Variants in HCN4 observed in about 807,000 individuals in gnomAD.
The protein encoded by HCN4 is potassium/sodium hyperpolarization-activated cyclic nucleotide-gated channel 4.
HCN4 carries 29 observed loss-of-function variants against 76.9 expected under a neutral mutation model. The observed-to-expected ratio is 0.38, with a 90% confidence interval of 0.28 to 0.51. The LOEUF is 0.51. HCN4 is among the 20% of genes least tolerant of loss of function. The pLI is 0.90. For missense variants in HCN4, 1,416 were observed against 1,715.2 expected, an observed-to-expected ratio of 0.83 and a Z score of 3.08; for synonymous variants, 772 against 762.5, an observed-to-expected ratio of 1.01 and a Z score of -0.21.
chr15:73,335,623 C>A (rs1330549171), intron 2 of HCN4: 2 of 152,472 alleles, frequency 1.3e-5, no homozygotes, highest in South Asian at 4.1e-4. Context: ...CACATCCATG[C>A]CACTCCTGCG....
chr15:73,356,898 G>A (rs1012138559), intron 1 of HCN4, among the ~76,000 whole-genome samples: 2 of 152,160 alleles, frequency 1.3e-5, no homozygotes, highest in African/African-American at 4.8e-5. Context: ...TGCTAAGAAG[G>A]CAGGATTTTA....
At position 73,322,060 on chromosome 15, in the gene HCN4, T is replaced by C; in HGVS notation, c.*421A>G. 3.9e-6 allele frequency: 1 copy of C among 257,064 alleles called. No individual in the cohort carries two copies. The allele number at this position is 257,064 out of a possible 1,614,324, so 15.9% of individuals were successfully genotyped here. On this transcript the variant is annotated 3_prime_UTR_variant, in exon 8 of 8. Coordinates refer to ENST00000261917, the MANE Select transcript of HCN4 (RefSeq NM_005477.3). The stretch of plus-strand genomic sequence containing the variant: ...CCAGGGCACACCCCAGGGCAGCCCC[T>C]TTCTGGGGGCAGAGTGGAGCTCCAA...
At chr15:73,363,174 T>TA (rs2043113480) in intron 1 of HCN4, among the ~76,000 whole-genome samples, 1 of 152,298 alleles carries the variant, frequency 6.6e-6, no homozygotes, top group East Asian at 1.9e-4. Flanking sequence ...CATTCCTGGG[T>TA]AATGGCCCCA....
intron 1 of HCN4, among the ~76,000 whole-genome samples, chr15:73,355,203 C>T (rs74022952): frequency 1.2e-3 from 187 of 152,298 alleles, no homozygotes; most frequent in African/African-American, 4.2e-3. Context: ...CCATGCTATG[C>T]GATGGAAGGT....
chr15:73,341,888 C>G (rs951756710), intron 2 of HCN4, among the ~76,000 whole-genome samples: 1 of 152,346 alleles, frequency 6.6e-6, no homozygotes, highest in Admixed American at 6.5e-5. Flanking sequence ...TGCTGCCAGT[C>G]GAGGCCCAGG....
In HCN4 at chr15:73,368,153, G is replaced by A. The variant is rs1300096638; in HGVS notation, c.118C>T (p.Arg40Cys). 2 of 1,523,398 alleles carry A rather than the reference G, an allele frequency of 1.3e-6. No individual in the cohort carries two copies. Among genetic ancestry groups the A allele is most frequent in the Non-Finnish European group, 1.8e-6 (2 of 1,136,956 alleles). The allele number at this position is 1,523,398 out of a possible 1,614,324, so 94.4% of individuals were successfully genotyped here. ...EDAEEEGAGGRQDPSRRSIRL... is the reference protein window; with the variant it reads ...EDAEEEGAGGCQDPSRRSIRL... ...ATGCTCCTGCGGCTGGGGTCTTGGCGGCCCCCGGCCCCCTCCTCCTCGGCG... is the reference window on the plus strand; with the variant it reads ...ATGCTCCTGCGGCTGGGGTCTTGGCAGCCCCCGGCCCCCTCCTCCTCGGCG... Residue 40 changes from arginine (R) to cysteine (C), a missense_variant, in exon 1 of 8, where the codon CGC (arginine) becomes TGC (cysteine). Coordinates refer to ENST00000261917, the MANE Select transcript of HCN4 (RefSeq NM_005477.3). The surrounding 1 kb of genome is among the most constrained non-coding windows in gnomAD (Gnocchi z 6.9).
At chr15:73,365,035 T>G (rs2043122466) in intron 1 of HCN4, among the ~76,000 whole-genome samples, 1 of 152,154 alleles carries the variant, frequency 6.6e-6, no homozygotes, top group Admixed American at 6.5e-5. Context: ...CAGAAGCTCT[T>G]GCGAAGCCTG....
intron 2 of HCN4, among the ~76,000 whole-genome samples, chr15:73,338,626 T>A (rs993741951): frequency 3.9e-5 from 6 of 152,192 alleles, no homozygotes; most frequent in African/African-American, 1.4e-4. Flanking sequence ...AGAGTTGATT[T>A]CTCAGTCCCA....
Position 73,323,134 on chromosome 15 carries a change from C to T in HCN4, c.2959G>A (p.Ala987Thr). ...TCTGGCGTGCTCAGTGGGCCAGTGG[C>T]CAGACCTAGGGACAACTCCCCGGGA... ...QPPGELSLGLATGPLSTPETP... is the reference protein window; with the variant it reads ...QPPGELSLGLTTGPLSTPETP... The change falls in exon 8 of 8, where the codon GCC becomes ACC. Residue 987 changes from alanine to threonine, a missense_variant. By Grantham distance (58) the Ala-to-Thr change is moderately conservative. Transcript: ENST00000261917. 6.3e-7 allele frequency: 1 copy of T among 1,592,088 alleles called. No individual in the cohort carries two copies. The highest frequency in any genetic ancestry group is 8.5e-7 in the Non-Finnish European group (1 of 1,170,946).
intron 1 of HCN4, among the ~76,000 whole-genome samples, chr15:73,357,873 G>C (rs1169644111): frequency 6.6e-6 from 1 of 152,084 alleles, no homozygotes; most frequent in Non-Finnish European, 1.5e-5. Flanking sequence ...ATCATGACTG[G>C]CTGGACCTCG....
At chr15:73,333,135 G>T (rs912276846) in intron 2 of HCN4, among the ~76,000 whole-genome samples, 1 of 151,980 alleles carries the variant, frequency 6.6e-6, no homozygotes, top group South Asian at 2.1e-4. Flanking sequence ...AGCTCGGAGT[G>T]GGGGGCTGCA....
chr15:73,326,646 T>C (rs2042901166), intron 4 of HCN4, among the ~76,000 whole-genome samples: 1 of 152,114 alleles, frequency 6.6e-6, no homozygotes, highest in Non-Finnish European at 1.5e-5. Context: ...TTAAGAGAAA[T>C]TTATTGGGCA....
intron 1 of HCN4, among the ~76,000 whole-genome samples, chr15:73,366,186 G>A (rs935851726): frequency 2.6e-5 from 4 of 152,170 alleles, no homozygotes; most frequent in African/African-American, 9.7e-5. Flanking sequence ...AAGGAAAAAA[G>A]GGGGGAGGGG....
Position 73,342,771 on chromosome 15 carries a change from C to T in HCN4, c.1209+614G>A, listed in dbSNP as rs143200044. 8.0e-3 allele frequency among the ~76,000 whole-genome samples: 1,218 copies of T among 152,348 alleles called. 12 individuals are homozygous for T. The highest frequency in any genetic ancestry group is 0.027 in the African/African-American group (1,116 of 41,572). On this transcript the variant is annotated intron_variant, in intron 2 of 7. Transcript: ENST00000261917. ...GAACCCAAACTAAGAGAGTTGCCAA[C>T]AAAATTTGTATAAAAATCCAGATTT... is the stretch of plus-strand genomic sequence containing the variant.
At position 73,323,273 on chromosome 15, in the gene HCN4, C is replaced by A; in HGVS notation, c.2820G>T (p.Gln940His). ...QPGARSPQAA[Q>H]PSPAPPGARG... ...GGGCCCCGGGTGGCGCGGGAGATGGCTGGGCAGCCTGCGGGGAGCGGGCGC... is the reference window on the plus strand; with the variant it reads ...GGGCCCCGGGTGGCGCGGGAGATGGATGGGCAGCCTGCGGGGAGCGGGCGC... The change falls in exon 8 of 8, where the codon CAG (glutamine) becomes CAT (histidine). Residue 940 changes from glutamine to histidine, a missense_variant. Gln to His is a conservative substitution (Grantham distance 24, BLOSUM62 0). Around this residue, in one of 6 missense-constraint regions of HCN4, gnomAD observed 633 missense variants for 579.8 expected, o/e 1.09. Transcript: ENST00000261917. The A allele has an allele frequency of 6.5e-7, 1 of 1,530,006 alleles. No homozygotes were observed. Among genetic ancestry groups the A allele is most frequent in the Admixed American group, 2.0e-5 (1 of 49,016 alleles). The allele number at this position is 1,530,006 out of a possible 1,614,324, so 94.8% of individuals were successfully genotyped here. A position where few individuals can be genotyped will look rare whatever the true frequency, so the allele number is the denominator to read the frequency against.
intron 4 of HCN4, among the ~76,000 whole-genome samples, chr15:73,326,231 C>T (rs1567772234): frequency 6.6e-6 from 1 of 152,016 alleles, no homozygotes; most frequent in Non-Finnish European, 1.5e-5. Flanking sequence ...CAGACTCCTC[C>T]CGGATGGGAA....
In HCN4 at chr15:73,343,258, C is replaced by A. The variant is rs938473530; in HGVS notation, c.1209+127G>T. On this transcript the variant is annotated intron_variant, in intron 2 of 7. Transcript: ENST00000261917. This position sits in a 1 kb window ranked among gnomAD's most constrained non-coding sequence, Gnocchi z 5.7. ...GGTCAAGAACTTACTAGTATTTGTC[C>A]TCTTGGAGCAGGTGTGCCTGCCACA... The A allele has an allele frequency of 3.1e-5, 27 of 861,238 alleles. No individual in the cohort carries two copies. Among genetic ancestry groups the A allele is most frequent in the East Asian group, 8.0e-5 (3 of 37,712 alleles). 53.3% of individuals were successfully genotyped at this position (861,238 alleles called of 1,614,324 possible).
In HCN4 at chr15:73,343,288, G is replaced by A. The variant is rs1180794211; in HGVS notation, c.1209+97C>T. 64 of 1,220,266 alleles carry A rather than the reference G, an allele frequency of 5.2e-5. No individual in the cohort carries two copies. The East Asian group carries it at 1.4e-3, about 27-fold the overall frequency. 75.6% of individuals were successfully genotyped at this position (1,220,266 alleles called of 1,614,324 possible). A position where few individuals can be genotyped will look rare whatever the true frequency, so the allele number is the denominator to read the frequency against. ...GGAGCAGGTGTGCCTGCCACAATCT[G>A]ACAGCCTATGTTCAATTATCTGAGG... On this transcript the variant is annotated intron_variant, in intron 2 of 7. Coordinates refer to ENST00000261917, the MANE Select transcript of HCN4 (RefSeq NM_005477.3). This position sits in a 1 kb window ranked among gnomAD's most constrained non-coding sequence, Gnocchi z 5.7.
Position 73,319,950 on chromosome 15 carries a change from G to A in HCN4, c.*2531C>T, listed in dbSNP as rs1308953819. The A allele has an allele frequency of 1.3e-5, 2 of 152,234 alleles. No individual in the cohort carries two copies. Among genetic ancestry groups the A allele is most frequent in the East Asian group, 1.9e-4 (1 of 5,208 alleles). 9.4% of individuals were successfully genotyped at this position (152,234 alleles called of 1,614,324 possible). The stretch of plus-strand genomic sequence containing the variant: ...GTGGATTTGAAAATTCCTTGTAGGT[G>A]ACTGGGTGTGGGAGGGCCCATTGCC... On this transcript the variant is annotated 3_prime_UTR_variant, in exon 8 of 8. Transcript: ENST00000261917.
Sources: allele counts gnomAD v4.1 joint callset (sites outside exome capture counted in the v4.1 genomes callset), GRCh38; gene constraint gnomAD v4.1.1; regional missense constraint gnomAD v4.1.1; non-coding constraint Gnocchi (gnomAD v3.1); transcripts MANE v1.5; gene names NCBI Gene and HGNC (gene_info 2026-07-23, HGNC 2026-07-21).